PCMTD2: variants seen among roughly 807,000 people sequenced by gnomAD.
The protein encoded by PCMTD2 is protein-L-isoaspartate (D-aspartate) O-methyltransferase domain containing 2.
In PCMTD2, 16 loss-of-function variants were observed where a neutral mutation model predicts 33.4. The observed-to-expected ratio is 0.48, with a 90% confidence interval of 0.32 to 0.73. The LOEUF (loss-of-function observed/expected upper bound fraction) is 0.73. Among genes scored for constraint, PCMTD2 ranks in the 30% least tolerant of loss-of-function variants. PCMTD2 has a pLI of 0.03. For missense variants in PCMTD2, 374 were observed against 449.9 expected, an observed-to-expected ratio of 0.83 and a Z score of 1.53; for synonymous variants, 161 against 160.8, an observed-to-expected ratio of 1.00 and a Z score of -0.01.
rs921420072 is a variant in PCMTD2 at position 64,273,885 on chromosome 20, G to A, written c.*285G>A. 1 of 295,228 alleles carries A rather than the reference G, an allele frequency of 3.4e-6. No individual in the cohort carries two copies. Among genetic ancestry groups the A allele is most frequent in the Non-Finnish European group, 6.3e-6 (1 of 159,788 alleles). 18.3% of individuals were successfully genotyped at this position (295,228 alleles called of 1,614,324 possible). A position where few individuals can be genotyped will look rare whatever the true frequency, so the allele number is the denominator to read the frequency against. On this transcript the variant is annotated 3_prime_UTR_variant, in exon 6 of 6. Coordinates refer to ENST00000308824, the MANE Select transcript of PCMTD2 (RefSeq NM_018257.3). ...AAAAAGAGAAGGCTGTTTCTTTTTC[G>A]GCTCTGACGAAACACTGAAGTCTGC... is the stretch of plus-strand genomic sequence containing the variant.
chr20:64,258,148 G>A (rs1985249212), intron 1 of PCMTD2, among the ~76,000 whole-genome samples: 1 of 152,148 alleles, frequency 6.6e-6, no homozygotes, highest in Non-Finnish European at 1.5e-5. Context: ...ACTGAGGACG[G>A]TATGCGATTT....
intron 1 of PCMTD2, among the ~76,000 whole-genome samples, chr20:64,258,513 C>CTA (rs1277331073): frequency 2.0e-5 from 3 of 152,198 alleles, no homozygotes; most frequent in Non-Finnish European, 4.4e-5. Context: ...TTGTGTTAAG[C>CTA]TATACCCTTC....
chr20:64,261,979 G>A (rs956035089), intron 2 of PCMTD2, among the ~76,000 whole-genome samples: 6 of 152,078 alleles, frequency 3.9e-5, no homozygotes, highest in African/African-American at 7.2e-5. Context: ...ATGGTGGGGC[G>A]TGGTGGCTCA....
At chr20:64,269,911 TGTG>T (rs1305520147) in intron 5 of PCMTD2, among the ~76,000 whole-genome samples, 1 of 128,910 alleles carries the variant, frequency 7.8e-6, no homozygotes, top group Non-Finnish European at 1.6e-5. Context: ...ATGCATGGTG[TGTG>T]GTGTGAGTGT....
chr20:64,270,196 CGTG>C (rs1985849475), intron 5 of PCMTD2, among the ~76,000 whole-genome samples: 1 of 105,470 alleles, frequency 9.5e-6, no homozygotes, highest in Non-Finnish European at 1.9e-5. Context: ...GGTGTGGGGT[CGTG>C]AGTGCGGGCG....
Position 64,274,345 on chromosome 20 carries a change from C to A in PCMTD2, c.*745C>A, listed in dbSNP as rs1986031824. Reference sequence around the variant, plus strand: ...ACATCTTTTGATACCTTTAAAAGAACCACTGTCAAGTAATCCTTAAAAGAA... The same window carrying A: ...ACATCTTTTGATACCTTTAAAAGAAACACTGTCAAGTAATCCTTAAAAGAA... On this transcript the variant is annotated 3_prime_UTR_variant, in exon 6 of 6. Coordinates refer to ENST00000308824, the MANE Select transcript of PCMTD2 (RefSeq NM_018257.3). 6.8e-6 allele frequency: 1 copy of A among 146,428 alleles called. No individual in the cohort carries two copies. Among genetic ancestry groups the A allele is most frequent in the Admixed American group, 6.9e-5 (1 of 14,576 alleles). The allele number at this position is 146,428 out of a possible 1,614,324, so 9.1% of individuals were successfully genotyped here. A position where few individuals can be genotyped will look rare whatever the true frequency, so the allele number is the denominator to read the frequency against.
chr20:64,269,051 G>A (rs1234028749), intron 5 of PCMTD2, among the ~76,000 whole-genome samples: 1 of 152,232 alleles, frequency 6.6e-6, no homozygotes, highest in African/African-American at 2.4e-5. Context: ...TGTTCCCCGT[G>A]TAGTCAGAGT....
chr20:64,259,155 A>T (rs1319593266), intron 1 of PCMTD2, among the ~76,000 whole-genome samples: 1 of 152,142 alleles, frequency 6.6e-6, no homozygotes, highest in Non-Finnish European at 1.5e-5. Flanking sequence ...CTACACTTAA[A>T]CTTTAGCCAG....
At position 64,260,271 on chromosome 20, in the gene PCMTD2, A is replaced by G. The variant is rs942944758; in HGVS notation, c.306A>G (p.Leu102=). ...TCAGCTCCATGGTGGGCCTCATTCT[A>G]GGTAAGTGTGGAAGGAGAGTCTGAA... The part of the protein sequence containing the change: ...GYLSSMVGLI[L]GPFGVNHGVE... Residue 102 remains leucine (L), a splice_region_variant and synonymous_variant, in exon 2 of 6, where the codon CTA becomes CTG. Coordinates refer to ENST00000308824, the MANE Select transcript of PCMTD2 (RefSeq NM_018257.3). 5.6e-6 allele frequency: 9 copies of G among 1,601,572 alleles called. No individual in the cohort carries two copies. In the African/African-American group the frequency reaches 9.4e-5, roughly 17 times the overall value.
intron 4 of PCMTD2, chr20:64,265,668 C>T: frequency 2.5e-6 from 1 of 394,020 alleles, no homozygotes. Flanking sequence ...CCTTCTCTGT[C>T]TCTCTCTTTT....
At chr20:64,264,405 T>C (rs1985562636) in intron 2 of PCMTD2, 24 bp from the exon 3 acceptor site, 1 of 1,172,764 alleles carries the variant, frequency 8.5e-7, no homozygotes, top group Non-Finnish European at 1.3e-6. Context: ...GTTCTACATG[T>C]TTTCTTATTC....
At chr20:64,267,799 G>C in intron 4 of PCMTD2, 88 bp from the exon 5 acceptor site, 1 of 1,081,210 alleles carries the variant, frequency 9.2e-7, no homozygotes, top group East Asian at 2.5e-5. Context: ...GCATTTCTAT[G>C]TATTTTTATA....
rs1424224529 is a variant in PCMTD2, at chr20:64,273,266, TC to T, written c.754del (p.Arg252GlyfsTer13). The T allele has an allele frequency of 6.2e-7, 1 of 1,614,074 alleles. No individual in the cohort carries two copies. The highest frequency in any genetic ancestry group is 1.1e-5 in the South Asian group (1 of 91,082). Reference sequence around the variant, plus strand: ...CTCCAGGACTTGGCTCGCATCGCCATCCGGGGCACCATTAAAAAGATTATTC... The same window carrying T: ...CTCCAGGACTTGGCTCGCATCGCCATCGGGGCACCATTAAAAAGATTATTC... ...RSLQDLARIA[I>X]RGTIKKIIHQ... On this transcript the variant is annotated frameshift_variant, in exon 6 of 6. Coordinates refer to ENST00000308824, the MANE Select transcript of PCMTD2 (RefSeq NM_018257.3). LOFTEE classifies it high-confidence loss of function.
rs1173011019 is a variant in PCMTD2 at position 64,268,721 on chromosome 20, C to T, written c.706+711C>T. On this transcript the variant is annotated intron_variant, in intron 5 of 5. Coordinates refer to ENST00000308824, the MANE Select transcript of PCMTD2 (RefSeq NM_018257.3). ...TAGGAAGGGAAAAGTTTTGCATAGT[C>T]TTACAAAAAAAAAAAAAAGTTTTGC... Among the ~76,000 whole-genome samples, 4 of 121,700 alleles carry T rather than the reference C, an allele frequency of 3.3e-5. No homozygotes were observed. The East Asian group carries it at 8.0e-4, about 24-fold the overall frequency. 79.8% of individuals were successfully genotyped at this position (121,700 alleles called of 152,430 possible). A position where few individuals can be genotyped will look rare whatever the true frequency, so the allele number is the denominator to read the frequency against.
At position 64,275,180 on chromosome 20, in the gene PCMTD2, A is replaced by G. The variant is rs1318947849; in HGVS notation, c.*1580A>G. ...GATTGGGCAGTTTAAGTCATTTTAA[A>G]GAAAGTTAGTTCATAGTTGTTGCCT... On this transcript the variant is annotated 3_prime_UTR_variant, in exon 6 of 6. Transcript: ENST00000308824. 6.6e-6 allele frequency: 1 copy of G among 152,240 alleles called. No homozygotes were observed. Among genetic ancestry groups the G allele is most frequent in the Non-Finnish European group, 1.5e-5 (1 of 68,030 alleles). 9.4% of individuals were successfully genotyped at this position (152,240 alleles called of 1,614,324 possible). A position where few individuals can be genotyped will look rare whatever the true frequency, so the allele number is the denominator to read the frequency against.
Position 64,273,546 on chromosome 20 carries a change from C to G in PCMTD2, c.1032C>G (p.Ser344Arg), listed in dbSNP as rs1182773518. 1.3e-6 allele frequency: 2 copies of G among 1,542,592 alleles called. No homozygotes were observed. The highest frequency in any genetic ancestry group is 2.8e-5 in the African/African-American group (2 of 71,962). Residue 344 changes from serine to arginine, a missense_variant, in exon 6 of 6, where the codon AGC becomes AGG. Coordinates refer to ENST00000308824, the MANE Select transcript of PCMTD2 (RefSeq NM_018257.3). ...PVNFLRQKVL[S>R]LPLPDPLKYY... ...ACTTCCTACGCCAGAAGGTCCTGAGCCTCCCTCTGCCAGATCCCCTGAAAT... is the reference window on the plus strand; with the variant it reads ...ACTTCCTACGCCAGAAGGTCCTGAGGCTCCCTCTGCCAGATCCCCTGAAAT...
chr20:64,258,217 C>G (rs1238951020), intron 1 of PCMTD2, among the ~76,000 whole-genome samples: 1 of 152,134 alleles, frequency 6.6e-6, no homozygotes, highest in Non-Finnish European at 1.5e-5. Context: ...CGCTTTTAAC[C>G]ACTGACCCAA....
At chr20:64,256,507 C>T (rs1985175775) in intron 1 of PCMTD2, 1 of 152,232 alleles carries the variant, frequency 6.6e-6, no homozygotes, top group Non-Finnish European at 1.5e-5. Context: ...TCCACCCCCT[C>T]TTTACTCGTG....
intron 1 of PCMTD2, 160 bp downstream of exon 1, chr20:64,256,030 C>T (rs1985144278): frequency 6.6e-6 from 1 of 152,256 alleles, no homozygotes; most frequent in African/African-American, 2.4e-5. Context: ...GCACCCTCAC[C>T]TCCCCCCAGC....
Sources: allele counts gnomAD v4.1 joint callset (sites outside exome capture counted in the v4.1 genomes callset), GRCh38; gene constraint gnomAD v4.1.1; transcripts MANE v1.5; gene names NCBI Gene and HGNC (gene_info 2026-07-23, HGNC 2026-07-21).